The following DAB1 variants were observed in gnomAD, a reference collection of about 807,000 sequenced individuals.
The protein encoded by DAB1 is DAB adaptor protein 1, also known as disabled homolog 1.
In DAB1, 15 loss-of-function variants were observed where a neutral mutation model predicts 64.6. The ratio of observed to expected loss-of-function variants is 0.23; its 90% CI spans 0.16 to 0.36. The LOEUF (loss-of-function observed/expected upper bound fraction) is 0.36. Ranked by LOEUF, DAB1 falls within the 10% of genes least tolerant of loss-of-function variation. The pLI, the probability that DAB1 is intolerant of heterozygous loss-of-function variation, is 1.00. For synonymous variants in DAB1, 235 were observed against 251.9 expected (o/e 0.93, Z 0.64); for missense variants, 596 against 706.7 (o/e 0.84, Z 1.78).
At chr1:58,132,142 G>C (rs1303583431) in intron 5 of DAB1, among the ~76,000 whole-genome samples, 3 of 152,214 alleles carry the variant, frequency 2.0e-5, no homozygotes, top group Non-Finnish European at 4.4e-5. Context: ...CAAGCCAGGT[G>C]CAGGAGATAA....
chr1:58,255,249 T>C (rs1171025302), intron 4 of DAB1, among the ~76,000 whole-genome samples: 2 of 151,406 alleles, frequency 1.3e-5, no homozygotes, highest in Admixed American at 6.6e-5. Flanking sequence ...GATGGGGTTG[T>C]TTGTTTTTTT....
chr1:58,282,940 G>A (rs114256514), intron 4 of DAB1, among the ~76,000 whole-genome samples: 2,784 of 152,290 alleles, frequency 0.018, 35 homozygotes, highest in Middle Eastern at 0.031. Context: ...AAAATAGCTT[G>A]CAGAGAAGAA....
At chr1:57,980,912 T>TATATAC (rs368714238) in intron 5 of DAB1, among the ~76,000 whole-genome samples, 3 of 149,608 alleles carry the variant, frequency 2.0e-5, no homozygotes, top group Non-Finnish European at 4.5e-5. Flanking sequence ...TATATATATA[T>TATATAC]ACACACACAC....
intron 3 of DAB1, among the ~76,000 whole-genome samples, chr1:58,485,791 C>T (rs777755267): frequency 3.9e-5 from 6 of 152,208 alleles, no homozygotes; most frequent in Non-Finnish European, 7.4e-5. Context: ...TTTAACTCCA[C>T]GCACTGCACA....
Position 57,677,438 on chromosome 1 carries a change from G to A in DAB1, n.552-27773C>T, listed in dbSNP as rs959975265. ...CAATGACAACGTCCTATAGACACAC[G>A]GTGGTTGAGATCTGAACCTGGGTCT... On this transcript the variant is annotated intron_variant and non_coding_transcript_variant, in intron 6 of 20. Coordinates refer to the DAB1 transcript ENST00000485760. Among the ~76,000 whole-genome samples, 11 of 152,142 alleles carry A rather than the reference G, an allele frequency of 7.2e-5. No homozygotes were observed. The South Asian group carries it at 1.5e-3, about 20-fold the overall frequency.
At chr1:57,961,985 A>AT (rs1645535746) in intron 5 of DAB1, among the ~76,000 whole-genome samples, 2 of 151,764 alleles carry the variant, frequency 1.3e-5, no homozygotes, top group Non-Finnish European at 1.5e-5. Context: ...AAAAAAAAAA[A>AT]GCTGAGTTCA....
At chr1:58,471,426 G>GTGAA (rs1229076871) in intron 3 of DAB1, among the ~76,000 whole-genome samples, 8 of 152,130 alleles carry the variant, frequency 5.3e-5, no homozygotes, top group Admixed American at 3.9e-4. Flanking sequence ...CCTGGCTTAG[G>GTGAA]TGAACAGCAT....
chr1:58,005,278 G>C (rs1021931538), intron 5 of DAB1, among the ~76,000 whole-genome samples: 2 of 152,052 alleles, frequency 1.3e-5, no homozygotes, highest in African/African-American at 4.8e-5. Context: ...TGGAAGGGCT[G>C]GGGGAAAGAG....
At chr1:57,984,184 A>AAAAAAAAT (rs1276859040) in intron 5 of DAB1, among the ~76,000 whole-genome samples, 1 of 50,656 alleles carries the variant, frequency 2.0e-5, no homozygotes, top group Admixed American at 2.7e-4. Context: ...TAGCTTAAAA[A>AAAAAAAAT]AAAGAAAGAA....
intron 1 of DAB1, among the ~76,000 whole-genome samples, chr1:57,321,754 T>A (rs955418253): frequency 6.6e-6 from 1 of 152,142 alleles, no homozygotes; most frequent in Non-Finnish European, 1.5e-5. Context: ...AAGATGATAA[T>A]GAATATTGAC....
chr1:58,149,455 T>A (rs1178532797), intron 5 of DAB1, among the ~76,000 whole-genome samples: 1 of 152,142 alleles, frequency 6.6e-6, no homozygotes, highest in Non-Finnish European at 1.5e-5. Flanking sequence ...AAGGAAGCCA[T>A]CAACTGTCTG....
In DAB1 at chr1:58,413,780, CAG is replaced by C. The variant is rs141614143; in HGVS notation, n.258-70379_258-70378del. 7.5e-3 allele frequency among the ~76,000 whole-genome samples: 1,135 copies of C among 152,272 alleles called. 10 individuals carry two copies. The highest frequency in any genetic ancestry group is 0.024 in the Middle Eastern group (7 of 294). ...GAATGGAAACACCCCCTAAACAGAACAGAGTCAGAGCTGCTAAGAACCTATTC... is the reference window on the plus strand; with the variant it reads ...GAATGGAAACACCCCCTAAACAGAACAGTCAGAGCTGCTAAGAACCTATTC... On this transcript the variant is annotated intron_variant and non_coding_transcript_variant, in intron 3 of 20. Coordinates refer to the DAB1 transcript ENST00000485760.
At chr1:57,733,804 A>T (rs1009739693) in intron 6 of DAB1, among the ~76,000 whole-genome samples, 4 of 152,094 alleles carry the variant, frequency 2.6e-5, no homozygotes, top group African/African-American at 7.2e-5. Flanking sequence ...GATGGGGGAG[A>T]TGGCAGAGGG....
chr1:57,574,560 T>C (rs1645228785), intron 7 of DAB1, among the ~76,000 whole-genome samples: 5 of 152,214 alleles, frequency 3.3e-5, no homozygotes, highest in Admixed American at 3.3e-4. Context: ...CGAGATTCAA[T>C]TTCTGGTTCA....
intron 5 of DAB1, among the ~76,000 whole-genome samples, chr1:57,911,532 G>C (rs1163272697): frequency 6.6e-6 from 1 of 152,032 alleles, no homozygotes; most frequent in Non-Finnish European, 1.5e-5. Flanking sequence ...CCCAGGCCCA[G>C]AGCTTACCAG....
chr1:57,165,526 T>C (rs1232869651), intron 2 of DAB1, among the ~76,000 whole-genome samples: 3 of 152,232 alleles, frequency 2.0e-5, no homozygotes, highest in African/African-American at 7.2e-5. Flanking sequence ...TGACTGCCAT[T>C]GTGCAAGGAG....
chr1:57,686,454 G>A (rs1646698833), intron 6 of DAB1, among the ~76,000 whole-genome samples: 1 of 152,076 alleles, frequency 6.6e-6, no homozygotes. Flanking sequence ...TGGATGGACA[G>A]CCAAATTATA....
chr1:57,147,141 C>G (rs1557808665), intron 2 of DAB1, among the ~76,000 whole-genome samples: 1 of 151,784 alleles, frequency 6.6e-6, no homozygotes, highest in Admixed American at 6.6e-5. Context: ...GGCAAGTCTC[C>G]TACTTCAGCC....
chr1:57,818,337 T>C (rs1651963167), intron 6 of DAB1, among the ~76,000 whole-genome samples: 1 of 152,154 alleles, frequency 6.6e-6, no homozygotes, highest in Admixed American at 6.5e-5. Flanking sequence ...TCACTACACT[T>C]CTAACGCCCC....
Sources: allele counts gnomAD v4.1 joint callset (sites outside exome capture counted in the v4.1 genomes callset), GRCh38; gene constraint gnomAD v4.1.1; transcripts MANE v1.5; gene names NCBI Gene and HGNC (gene_info 2026-07-23, HGNC 2026-07-21).